MTHFD1L: variants seen among roughly 807,000 people sequenced by gnomAD.
MTHFD1L encodes methylenetetrahydrofolate dehydrogenase (NADP+ dependent) 1 like, also known as monofunctional C1-tetrahydrofolate synthase, mitochondrial.
MTHFD1L carries 81 observed loss-of-function variants against 119.5 expected under a neutral mutation model. The observed-to-expected ratio is 0.68, with a 90% confidence interval of 0.57 to 0.82. MTHFD1L has a LOEUF of 0.82. MTHFD1L is among the 40% of genes least tolerant of loss of function. The probability of loss-of-function intolerance (pLI) is 0.00; values close to 1 mark genes in which losing one functional copy is unlikely to be tolerated. For synonymous variants in MTHFD1L, 430 were observed against 475.2 expected (o/e 0.90, Z 1.24); for missense variants, 1,125 against 1,253.4 (o/e 0.90, Z 1.55).
intron 20 of MTHFD1L, among the ~76,000 whole-genome samples, chr6:150,996,415 C>T (rs768453301): frequency 1.6e-4 from 24 of 151,552 alleles, no homozygotes; most frequent in Non-Finnish European, 2.2e-4. Context: ...GTGATCTTAC[C>T]GCCTTTACCT....
At chr6:150,897,100 G>C (rs1583441396) in intron 7 of MTHFD1L, among the ~76,000 whole-genome samples, 3 of 152,228 alleles carry the variant, frequency 2.0e-5, no homozygotes, top group Non-Finnish European at 2.9e-5. Context: ...CTGGGCAATA[G>C]AGTGAGACTC....
At chr6:150,952,826 C>G (rs1674139092) in intron 16 of MTHFD1L, among the ~76,000 whole-genome samples, 1 of 152,224 alleles carries the variant, frequency 6.6e-6, no homozygotes, top group Non-Finnish European at 1.5e-5. Context: ...CCGCGTCCAG[C>G]AGATTGTTTC....
At chr6:150,965,391 C>T (rs1771802) in intron 19 of MTHFD1L, among the ~76,000 whole-genome samples, 69,771 of 152,034 alleles carry the variant, frequency 0.46, 16,948 homozygotes, top group South Asian at 0.56. Context: ...CCAGGCGCGG[C>T]GGCTCATGCC....
chr6:151,092,926 C>A (rs1297789412), intron 27 of MTHFD1L, among the ~76,000 whole-genome samples: 1 of 152,136 alleles, frequency 6.6e-6, no homozygotes, highest in Non-Finnish European at 1.5e-5. Flanking sequence ...TTAAAACCAG[C>A]GTCTGTTATA....
At chr6:151,062,937 G>A (rs918990076) in intron 26 of MTHFD1L, among the ~76,000 whole-genome samples, 6 of 152,056 alleles carry the variant, frequency 3.9e-5, no homozygotes, top group African/African-American at 7.2e-5. Context: ...TAATGTAAAT[G>A]TCGAGTTAAT....
chr6:151,054,397 G>A (rs1437485173), intron 26 of MTHFD1L, among the ~76,000 whole-genome samples: 1 of 152,070 alleles, frequency 6.6e-6, no homozygotes, highest in Non-Finnish European at 1.5e-5. Context: ...AAAAACACGC[G>A]TCCATAAATC....
At chr6:150,895,392 G>A (rs1348075086) in intron 7 of MTHFD1L, among the ~76,000 whole-genome samples, 1 of 152,170 alleles carries the variant, frequency 6.6e-6, no homozygotes, top group Non-Finnish European at 1.5e-5. Context: ...GGCACAGCTG[G>A]ACAATGCTGA....
chr6:150,871,729 C>T (rs1779557345), intron 1 of MTHFD1L, among the ~76,000 whole-genome samples: 1 of 151,512 alleles, frequency 6.6e-6, no homozygotes, highest in African/African-American at 2.4e-5. Context: ...GTCTCGAACT[C>T]CTGACCTTGT....
At chr6:150,991,558 G>A (rs570333256) in intron 20 of MTHFD1L, among the ~76,000 whole-genome samples, 42 of 152,266 alleles carry the variant, frequency 2.8e-4, no homozygotes, top group Admixed American at 2.0e-4. Context: ...TACTTTTGTA[G>A]TAGTTTTTTT....
chr6:151,038,414 G>T (rs150571717), intron 26 of MTHFD1L, among the ~76,000 whole-genome samples: 19 of 152,176 alleles, frequency 1.2e-4, no homozygotes, highest in Non-Finnish European at 1.3e-4. Context: ...TTGGATGAGG[G>T]GGGGTGGCTG....
At chr6:151,085,663 C>G (rs909351700) in intron 26 of MTHFD1L, among the ~76,000 whole-genome samples, 6 of 151,916 alleles carry the variant, frequency 3.9e-5, no homozygotes, top group Non-Finnish European at 8.8e-5. Context: ...CCCAGCTACT[C>G]GGGAGGCTGA....
chr6:151,014,875 T>G lies in MTHFD1L; in HGVS notation c.2308-5T>G. On this transcript the variant is annotated splice_region_variant and splice_polypyrimidine_tract_variant and intron_variant, in intron 22 of 27. Coordinates refer to ENST00000367321, the MANE Select transcript of MTHFD1L (RefSeq NM_015440.5). ...GTCTGGGTTTTGCTTTTTTCTTTTT[T>G]ACAGAACATCCAGCTGGTGGCAGAC... 1 of 1,613,704 alleles carries G rather than the reference T, an allele frequency of 6.2e-7. No homozygotes were observed. The highest frequency in any genetic ancestry group is 1.7e-4 in the Middle Eastern group (1 of 5,932).
chr6:151,096,442 A>T (rs1005978770), intron 27 of MTHFD1L, among the ~76,000 whole-genome samples: 1 of 152,186 alleles, frequency 6.6e-6, no homozygotes, highest in African/African-American at 2.4e-5. Flanking sequence ...AAACCACTAT[A>T]CAAAGCAAAC....
chr6:151,003,636 T>C (rs1780949009), intron 20 of MTHFD1L, among the ~76,000 whole-genome samples: 1 of 152,182 alleles, frequency 6.6e-6, no homozygotes, highest in African/African-American at 2.4e-5. Flanking sequence ...TGGCTGTTTC[T>C]CCACTAAATG....
At chr6:150,939,683 C>CTTTTTTTTTTTTTT (rs751835547) in intron 13 of MTHFD1L, among the ~76,000 whole-genome samples, 4 of 108,424 alleles carry the variant, frequency 3.7e-5, no homozygotes, top group Admixed American at 2.2e-4. Context: ...CTTGCAGACT[C>CTTTTTTTTTTTTTT]TTTTTTTTTT....
chr6:151,095,734 C>A (rs1794846263), intron 27 of MTHFD1L, among the ~76,000 whole-genome samples: 1 of 152,246 alleles, frequency 6.6e-6, no homozygotes, highest in African/African-American at 2.4e-5. Flanking sequence ...CAAGTGTTGT[C>A]CCATAAGGGC....
intron 24 of MTHFD1L, among the ~76,000 whole-genome samples, chr6:151,032,473 C>T (rs940654029): frequency 7.9e-5 from 12 of 152,278 alleles, no homozygotes; most frequent in Admixed American, 2.0e-4. Flanking sequence ...ATGAGGGATC[C>T]GCCCCCGTGA....
chr6:150,918,610 T>C lies in MTHFD1L; in HGVS notation c.926T>C (p.Phe309Ser). 6.2e-7 allele frequency: 1 copy of C among 1,614,184 alleles called. No homozygotes were observed. Among genetic ancestry groups the C allele is most frequent in the Non-Finnish European group, 8.5e-7 (1 of 1,180,008 alleles). Residue 309 changes from phenylalanine to serine, a missense_variant, in exon 9 of 28, where the codon TTT (phenylalanine) becomes TCT (serine). Phe to Ser is a radical substitution (Grantham distance 155, BLOSUM62 -2). Coordinates refer to ENST00000367321, the MANE Select transcript of MTHFD1L (RefSeq NM_015440.5). ...KVGCGSPRIH[F>S]GGLIEEDDVI... ...GGGTGTGGCTCTCCAAGAATACATT[T>C]TGGTGGACTCATTGAGGAAGATGAT...
chr6:150,979,801 A>AG (rs921531701), intron 20 of MTHFD1L, among the ~76,000 whole-genome samples: 3 of 152,120 alleles, frequency 2.0e-5, no homozygotes, highest in Admixed American at 1.3e-4. Flanking sequence ...CACCCAGCCT[A>AG]GGGGACAGTT....
Sources: allele counts gnomAD v4.1 joint callset (sites outside exome capture counted in the v4.1 genomes callset), GRCh38; gene constraint gnomAD v4.1.1; transcripts MANE v1.5; gene names NCBI Gene and HGNC (gene_info 2026-07-23, HGNC 2026-07-21).